The following CAST variants were observed in gnomAD, a reference collection of about 807,000 sequenced individuals.
CAST encodes the protein MIR583 host.
A neutral mutation model predicts 119.6 loss-of-function variants in CAST; 76 were observed. The ratio of observed to expected loss-of-function variants is 0.64; its 90% CI spans 0.53 to 0.77. CAST has a LOEUF of 0.77. Ranked by LOEUF, CAST falls within the 30% of genes least tolerant of loss-of-function variation. The pLI is 0.00. For missense variants in CAST, 953 were observed against 946.5 expected (o/e 1.01, Z -0.09); for synonymous variants, 319 against 331.6 (o/e 0.96, Z 0.41).
the CAST span, among the ~76,000 whole-genome samples, chr5:96,136,239 T>C: frequency 6.6e-6 from 1 of 152,220 alleles, no homozygotes; most frequent in Non-Finnish European, 1.5e-5. Flanking sequence ...TCTAATTTGA[T>C]ATTATGTTAT....
chr5:96,592,407 AG>A (rs916711275), intron 1 of CAST, among the ~76,000 whole-genome samples: 14 of 152,066 alleles, frequency 9.2e-5, no homozygotes, highest in African/African-American at 3.1e-4. Context: ...TCTCAAAAAA[AG>A]GGGGGGAAAA....
At chr5:96,617,043 G>A (rs757278494) in intron 1 of CAST, among the ~76,000 whole-genome samples, 4 of 152,110 alleles carry the variant, frequency 2.6e-5, no homozygotes, top group Non-Finnish European at 5.9e-5. Context: ...CAAGGCCATT[G>A]CTTGAATCAT....
chr5:96,154,123 G>A, the CAST span, among the ~76,000 whole-genome samples: 11,305 of 151,670 alleles, frequency 0.075, 619 homozygotes, highest in East Asian at 0.25. Flanking sequence ...TAAAAAAACC[G>A]AAAAATTAGC....
the CAST span, among the ~76,000 whole-genome samples, chr5:96,227,606 A>AG: frequency 3.5e-3 from 540 of 152,222 alleles, 2 homozygotes; most frequent in African/African-American, 0.012. Context: ...GTTTTTAGAG[A>AG]GGGGGAAAAA....
chr5:96,219,984 T>A, the CAST span, among the ~76,000 whole-genome samples: 1 of 152,204 alleles, frequency 6.6e-6, no homozygotes, highest in African/African-American at 2.4e-5. Flanking sequence ...AAGCTGATGC[T>A]GTATGTTGCC....
chr5:96,389,388 A>G, the CAST span, among the ~76,000 whole-genome samples: 1 of 152,130 alleles, frequency 6.6e-6, no homozygotes, highest in South Asian at 2.1e-4. Flanking sequence ...CAATCAATCA[A>G]TTAATCGATT....
At chr5:96,139,800 C>T in the CAST span, among the ~76,000 whole-genome samples, 1 of 151,812 alleles carries the variant, frequency 6.6e-6, no homozygotes, top group African/African-American at 2.4e-5. Context: ...TATTCCCCTT[C>T]TAATTACTAA....
At chr5:96,045,145 G>A in the CAST span, among the ~76,000 whole-genome samples, 1 of 152,290 alleles carries the variant, frequency 6.6e-6, no homozygotes, top group African/African-American at 2.4e-5. Flanking sequence ...CTGAGGTCAG[G>A]AGTTTGAGGC....
rs75579997 is a variant in CAST, at chr5:96,750,847, G to A, written c.1524+165G>A. On this transcript the variant is annotated intron_variant, in intron 20 of 31. Coordinates refer to ENST00000675179, the MANE Select transcript of CAST (RefSeq NM_001750.7). ...TGTTTCTTTGGGCTTCAGGGGTGTC[G>A]TAGAAATTCAGACTAAGATTTAAAT... Among the ~76,000 whole-genome samples the A allele has an allele frequency of 7.6e-3, 1,157 of 152,206 alleles. 5 individuals are homozygous for A. The highest frequency in any genetic ancestry group is 0.012 in the Admixed American group (182 of 15,282).
intron 3 of CAST, among the ~76,000 whole-genome samples, chr5:96,707,200 T>C (rs2150341905): frequency 6.6e-6 from 1 of 152,340 alleles, no homozygotes; most frequent in Middle Eastern, 3.4e-3. Context: ...TACTCACCTT[T>C]TGTCGTTTTC....
the CAST span, among the ~76,000 whole-genome samples, chr5:96,249,669 G>C: frequency 6.6e-5 from 10 of 152,168 alleles, no homozygotes; most frequent in Non-Finnish European, 1.3e-4. Flanking sequence ...AAGTTAGCTA[G>C]ATTAAACACA....
chr5:95,983,093 G>A, the CAST span, among the ~76,000 whole-genome samples: 2 of 152,182 alleles, frequency 1.3e-5, no homozygotes, highest in Non-Finnish European at 2.9e-5. Context: ...ATATGGTATG[G>A]TTCTATTTAC....
intron 1 of CAST, among the ~76,000 whole-genome samples, chr5:96,650,992 G>T (rs77873021): frequency 6.6e-6 from 1 of 152,088 alleles, no homozygotes; most frequent in Non-Finnish European, 1.5e-5. Context: ...TCTTTCTGCT[G>T]TGCTCTCTCA....
chr5:96,731,591 C>T (rs1409216218), intron 9 of CAST, among the ~76,000 whole-genome samples: 71 of 148,212 alleles, frequency 4.8e-4, no homozygotes, highest in African/African-American at 1.4e-3. Flanking sequence ...CATGCTGGTG[C>T]GCTGCACCCA....
At chr5:96,227,094 G>T in the CAST span, among the ~76,000 whole-genome samples, 1 of 152,234 alleles carries the variant, frequency 6.6e-6, no homozygotes, top group African/African-American at 2.4e-5. Flanking sequence ...TAGTGTCTTG[G>T]TTTAATGTCA....
At chr5:96,442,858 TTC>T in the CAST span, among the ~76,000 whole-genome samples, 1 of 152,214 alleles carries the variant, frequency 6.6e-6, no homozygotes. Flanking sequence ...TACCTCCTGC[TTC>T]TTTTTCTCCA....
the CAST span, among the ~76,000 whole-genome samples, chr5:96,315,216 GT>G: frequency 6.6e-6 from 1 of 152,186 alleles, no homozygotes; most frequent in African/African-American, 2.4e-5. Context: ...TTAAACAATT[GT>G]TTAGTATAAG....
intron 1 of CAST, among the ~76,000 whole-genome samples, chr5:96,613,823 T>C (rs1747406415): frequency 6.6e-6 from 1 of 152,206 alleles, no homozygotes; most frequent in Non-Finnish European, 1.5e-5. Flanking sequence ...ATCCTGTAGG[T>C]CTGGGGTGGA....
At chr5:96,482,098 C>A in the CAST span, among the ~76,000 whole-genome samples, 2 of 152,114 alleles carry the variant, frequency 1.3e-5, no homozygotes, top group African/African-American at 2.4e-5. Context: ...GATATAATCT[C>A]TTTTCTCTGC....
Sources: allele counts gnomAD v4.1 joint callset (sites outside exome capture counted in the v4.1 genomes callset), GRCh38; gene constraint gnomAD v4.1.1; transcripts MANE v1.5; gene names NCBI Gene and HGNC (gene_info 2026-07-23, HGNC 2026-07-21).